SAMSN1: variants seen among roughly 807,000 people sequenced by gnomAD.
SAMSN1 encodes SAM domain-containing protein SAMSN-1.
SAMSN1 carries 31 observed loss-of-function variants against 42.0 expected under a neutral mutation model. That is an observed-to-expected ratio of 0.74 (90% CI 0.55 to 1.00). The LOEUF is 1.00. Among genes scored for constraint, SAMSN1 ranks in the 50% least tolerant of loss-of-function variants. The pLI, the probability that SAMSN1 is intolerant of heterozygous loss-of-function variation, is 0.00. For synonymous variants in SAMSN1, 178 were observed against 151.9 expected, an observed-to-expected ratio of 1.17 and a Z score of -1.26; for missense variants, 464 against 439.4, an observed-to-expected ratio of 1.06 and a Z score of -0.50.
intron 2 of SAMSN1, among the ~76,000 whole-genome samples, chr21:14,558,636 T>A (rs1882917): frequency 3.3e-5 from 5 of 151,978 alleles, no homozygotes; most frequent in Admixed American, 6.5e-5. Flanking sequence ...AGCCGACATC[T>A]CATCACTGCA....
chr21:14,571,896 G>T (rs943116072), intron 2 of SAMSN1, among the ~76,000 whole-genome samples: 1 of 152,160 alleles, frequency 6.6e-6, no homozygotes, highest in African/African-American at 2.4e-5. Context: ...ACATTTCAGT[G>T]AGTTAGCTCC....
chr21:14,567,223 G>A (rs2822772), intron 2 of SAMSN1, among the ~76,000 whole-genome samples: 48,595 of 150,444 alleles, frequency 0.32, 10,066 homozygotes, highest in African/African-American at 0.6. Context: ...GAACATAAAA[G>A]AGTAGCCATA....
chr21:14,613,320 T>C (rs1123312), intron 3 of SAMSN1, among the ~76,000 whole-genome samples: 109,528 of 152,050 alleles, frequency 0.72, 40,457 homozygotes, highest in African/African-American at 0.89. Context: ...AAAATAATCA[T>C]CAATTATTGA....
At chr21:14,488,676 T>A (rs1410186924) in intron 7 of SAMSN1, among the ~76,000 whole-genome samples, 5 of 152,210 alleles carry the variant, frequency 3.3e-5, no homozygotes, top group Non-Finnish European at 7.4e-5. Context: ...GGTTTTGTTT[T>A]AAACACAGGT....
chr21:14,542,941 G>C (rs780175218), intron 1 of SAMSN1, among the ~76,000 whole-genome samples: 2 of 152,172 alleles, frequency 1.3e-5, no homozygotes, highest in Non-Finnish European at 2.9e-5. Context: ...GACAGAGCAA[G>C]ACTCTGTTTC....
intron 1 of SAMSN1, among the ~76,000 whole-genome samples, chr21:14,523,724 G>T (rs1371094887): frequency 6.6e-6 from 1 of 152,176 alleles, no homozygotes; most frequent in Non-Finnish European, 1.5e-5. Flanking sequence ...GAGAGTAAGG[G>T]TGCGATTTCC....
chr21:14,493,668 A>G (rs937969177), intron 7 of SAMSN1, among the ~76,000 whole-genome samples: 1 of 152,092 alleles, frequency 6.6e-6, no homozygotes. Context: ...TAAATGAAAC[A>G]TTTTTAAATT....
Position 14,534,932 on chromosome 21 carries a change from C to A in SAMSN1, c.57+11273G>T, listed in dbSNP as rs1179542746. On this transcript the variant is annotated intron_variant, in intron 1 of 7. Coordinates refer to ENST00000400566, the MANE Select transcript of SAMSN1 (RefSeq NM_022136.5). Reference sequence around the variant, plus strand: ...TGCTAGACTGACCCTAATACACTACCCTGGGGTAACTGATGGAGGCTTTCT... The same window carrying A: ...TGCTAGACTGACCCTAATACACTACACTGGGGTAACTGATGGAGGCTTTCT... 2.0e-5 allele frequency among the ~76,000 whole-genome samples: 3 copies of A among 152,120 alleles called. No individual in the cohort carries two copies. In the East Asian group the frequency reaches 5.8e-4, roughly 29 times the overall value.
At chr21:14,496,204 T>C (rs1411330614) in intron 7 of SAMSN1, 1 of 152,174 alleles carries the variant, frequency 6.6e-6, no homozygotes, top group Non-Finnish European at 1.5e-5. Context: ...CTTGAGAAAA[T>C]TGGTGAAGTA....
chr21:14,487,898 A>G (rs1192644811), intron 7 of SAMSN1, among the ~76,000 whole-genome samples: 2 of 152,076 alleles, frequency 1.3e-5, no homozygotes, highest in Non-Finnish European at 2.9e-5. Context: ...CCATGGAAGC[A>G]TTTTGTGTGC....
chr21:14,575,613 T>C (rs146600655), intron 2 of SAMSN1, among the ~76,000 whole-genome samples: 126 of 152,334 alleles, frequency 8.3e-4, no homozygotes, highest in African/African-American at 2.8e-3. Context: ...TGTTAAATTA[T>C]GAGGAATTAT....
chr21:14,514,733 C>CT (rs1279103730), intron 3 of SAMSN1, among the ~76,000 whole-genome samples: 1 of 152,000 alleles, frequency 6.6e-6, no homozygotes. Flanking sequence ...ACTGGGAATA[C>CT]TGGATGAGAA....
At chr21:14,591,377 G>T (rs1982079090) in intron 7 of SAMSN1, 1 of 152,176 alleles carries the variant, frequency 6.6e-6, no homozygotes, top group Non-Finnish European at 1.5e-5. Flanking sequence ...AAAGAAGAAT[G>T]AAATATTGTG....
chr21:14,577,501 A>G (rs958564714), intron 2 of SAMSN1, among the ~76,000 whole-genome samples: 1 of 151,594 alleles, frequency 6.6e-6, no homozygotes, highest in Non-Finnish European at 1.5e-5. Context: ...TGTTATTATA[A>G]AAACATATGA....
At chr21:14,590,770 T>C (rs1982060710) in intron 7 of SAMSN1, among the ~76,000 whole-genome samples, 1 of 151,936 alleles carries the variant, frequency 6.6e-6, no homozygotes, top group Non-Finnish European at 1.5e-5. Flanking sequence ...AAAGAAGAGG[T>C]TTTAAATGTT....
intron 1 of SAMSN1, among the ~76,000 whole-genome samples, chr21:14,527,313 G>A (rs1286911861): frequency 2.6e-5 from 4 of 152,160 alleles, no homozygotes; most frequent in African/African-American, 9.7e-5. Flanking sequence ...CTTTTGAAGA[G>A]GTGAAACAAA....
chr21:14,497,470 A>G (rs1986957780), intron 7 of SAMSN1, among the ~76,000 whole-genome samples: 1 of 152,016 alleles, frequency 6.6e-6, no homozygotes, highest in Non-Finnish European at 1.5e-5. Flanking sequence ...TGGCATGCCT[A>G]TAATCTCAGC....
Position 14,525,629 on chromosome 21 carries a change from T to C in SAMSN1, c.58-4408A>G, listed in dbSNP as rs543783068. Among the ~76,000 whole-genome samples, 12 of 152,342 alleles carry C rather than the reference T, an allele frequency of 7.9e-5. No individual in the cohort carries two copies. In the South Asian group the frequency reaches 2.5e-3, roughly 32 times the overall value. ...TTAAGGAAGTAATGTTACTCTCTTA[T>C]ATACAATTTGAAATAATCTAGCGAG... On this transcript the variant is annotated intron_variant, in intron 1 of 7. Transcript: ENST00000400566.
At chr21:14,512,350 G>T in intron 4 of SAMSN1, 94 bp downstream of exon 4, 1 of 1,303,428 alleles carries the variant, frequency 7.7e-7, no homozygotes, top group Non-Finnish European at 1.1e-6. Flanking sequence ...TTATCAAGTA[G>T]CTGGAACCTT....
Sources: allele counts gnomAD v4.1 joint callset (sites outside exome capture counted in the v4.1 genomes callset), GRCh38; gene constraint gnomAD v4.1.1; transcripts MANE v1.5; gene names NCBI Gene and HGNC (gene_info 2026-07-23, HGNC 2026-07-21).